PTPRM: variants seen among roughly 807,000 people sequenced by gnomAD.
PTPRM encodes the protein protein tyrosine phosphatase receptor type M, also known as receptor-type tyrosine-protein phosphatase mu.
In PTPRM, 47 loss-of-function variants were observed where a neutral mutation model predicts 186.7. The observed-to-expected ratio is 0.25, with a 90% CI of 0.20 to 0.32. PTPRM has a LOEUF of 0.32. Among genes scored for constraint, PTPRM ranks in the 10% least tolerant of loss-of-function variants. The pLI, the probability that PTPRM is intolerant of heterozygous loss-of-function variation, is 1.00. For synonymous variants in PTPRM, 668 were observed against 674.9 expected (o/e 0.99, Z 0.16); for missense variants, 1,494 against 1,865.0 (o/e 0.80, Z 3.66).
rs774947124 is a variant in PTPRM, at chr18:7,567,768, C to A, written c.-51C>A. On this transcript the variant is annotated 5_prime_UTR_variant, in exon 1 of 33. Transcript: ENST00000580170. The surrounding 1 kb of genome is among the most constrained non-coding windows in gnomAD (Gnocchi z 4.3). ...CAAAGCTCCCGGCCCCCTCCGCCCT[C>A]GCGCGCCCACCCACCGCCGCCGGGG... The A allele has an allele frequency of 1.3e-6, 2 of 1,483,358 alleles. No individual in the cohort carries two copies. Among genetic ancestry groups the A allele is most frequent in the Non-Finnish European group, 1.8e-6 (2 of 1,117,126 alleles). 91.9% of individuals were successfully genotyped at this position (1,483,358 alleles called of 1,614,324 possible).
At chr18:8,367,583 C>A (rs1452944823) in intron 23 of PTPRM, among the ~76,000 whole-genome samples, 1 of 152,264 alleles carries the variant, frequency 6.6e-6, no homozygotes, top group African/African-American at 2.4e-5. Flanking sequence ...GCGGGGGCGC[C>A]CGGCTTCATC....
intron 2 of PTPRM, among the ~76,000 whole-genome samples, chr18:7,868,686 C>G (rs2047835926): frequency 6.6e-6 from 1 of 152,224 alleles, no homozygotes; most frequent in Non-Finnish European, 1.5e-5. Flanking sequence ...CAGGGACCCA[C>G]TTGAAGAGGT....
At chr18:8,172,708 A>G (rs1230875684) in intron 14 of PTPRM, among the ~76,000 whole-genome samples, 17 of 151,570 alleles carry the variant, frequency 1.1e-4, no homozygotes, top group African/African-American at 3.9e-4. Flanking sequence ...AAAAAAAAAA[A>G]AGAAAAAAAA....
At chr18:7,941,331 C>T (rs1370741181) in intron 5 of PTPRM, among the ~76,000 whole-genome samples, 1 of 152,154 alleles carries the variant, frequency 6.6e-6, no homozygotes, top group East Asian at 1.9e-4. Flanking sequence ...GACCATCTCT[C>T]CAGATACTTC....
chr18:8,179,318 T>C, intron 14 of PTPRM, among the ~76,000 whole-genome samples: 1 of 152,244 alleles, frequency 6.6e-6, no homozygotes, highest in Admixed American at 6.5e-5. Flanking sequence ...TGTAGGAATA[T>C]ACTTTACTCA....
intron 1 of PTPRM, among the ~76,000 whole-genome samples, chr18:7,685,346 C>G (rs1458998162): frequency 1.3e-5 from 2 of 152,132 alleles, no homozygotes; most frequent in African/African-American, 2.4e-5. Flanking sequence ...GAAATTTTAA[C>G]TAAAGTATGA....
chr18:7,958,384 A>C (rs1056092177), intron 7 of PTPRM, among the ~76,000 whole-genome samples: 1 of 152,078 alleles, frequency 6.6e-6, no homozygotes, highest in African/African-American at 2.4e-5. Flanking sequence ...GATTTTGCCC[A>C]TGGGGAGAGC....
intron 1 of PTPRM, among the ~76,000 whole-genome samples, chr18:7,649,896 T>A (rs2038655904): frequency 1.3e-5 from 2 of 150,214 alleles, no homozygotes; most frequent in Non-Finnish European, 1.5e-5. Context: ...ACGATTAGCA[T>A]TTTTTTTAGC....
intron 1 of PTPRM, among the ~76,000 whole-genome samples, chr18:7,578,374 C>T (rs374428769): frequency 2.8e-5 from 4 of 140,854 alleles, no homozygotes; most frequent in Admixed American, 2.3e-4. Context: ...CTTGCTCTGT[C>T]GCCCAGGCTG....
chr18:7,799,325 C>T (rs2043832220), intron 2 of PTPRM, among the ~76,000 whole-genome samples: 1 of 152,142 alleles, frequency 6.6e-6, no homozygotes, highest in Admixed American at 6.5e-5. Context: ...CAATCATCTC[C>T]CAAGTGCCCC....
chr18:8,216,227 A>AG (rs1400893327), intron 14 of PTPRM, among the ~76,000 whole-genome samples: 1 of 152,112 alleles, frequency 6.6e-6, no homozygotes, highest in African/African-American at 2.4e-5. Context: ...TTTTTCCAAC[A>AG]AGATTGTCTG....
intron 2 of PTPRM, among the ~76,000 whole-genome samples, chr18:7,847,648 C>T (rs750407596): frequency 5.3e-5 from 8 of 152,220 alleles, no homozygotes; most frequent in Non-Finnish European, 1.2e-4. Flanking sequence ...CAGAGTTTCT[C>T]CTATAACATA....
intron 2 of PTPRM, among the ~76,000 whole-genome samples, chr18:7,847,357 G>A (rs189291637): frequency 5.1e-4 from 77 of 151,994 alleles, no homozygotes; most frequent in Middle Eastern, 6.8e-3. Context: ...GGTAGAGACA[G>A]GTTTTAACCA....
intron 26 of PTPRM, chr18:8,377,618 C>T (rs2095705072): frequency 2.0e-5 from 3 of 151,958 alleles, no homozygotes; most frequent in African/African-American, 7.3e-5. Context: ...ACCGAATTAA[C>T]TGTAATAAGA....
At chr18:7,807,578 G>A (rs956683954) in intron 2 of PTPRM, among the ~76,000 whole-genome samples, 2 of 152,192 alleles carry the variant, frequency 1.3e-5, no homozygotes, top group Non-Finnish European at 2.9e-5. Context: ...AGCTAGAAAA[G>A]AAGGTGTGTC....
At chr18:7,621,085 T>G (rs1246290327) in intron 1 of PTPRM, among the ~76,000 whole-genome samples, 5 of 152,210 alleles carry the variant, frequency 3.3e-5, no homozygotes, top group Non-Finnish European at 7.3e-5. Context: ...TACGCAGTGC[T>G]TATTGTATGC....
intron 2 of PTPRM, among the ~76,000 whole-genome samples, chr18:7,779,657 A>G (rs2042762206): frequency 6.6e-6 from 1 of 152,204 alleles, no homozygotes; most frequent in African/African-American, 2.4e-5. Flanking sequence ...GGTCTTAGAG[A>G]GTAACAAAGA....
intron 23 of PTPRM, among the ~76,000 whole-genome samples, chr18:8,358,531 T>C (rs895680981): frequency 9.9e-5 from 15 of 152,200 alleles, no homozygotes; most frequent in African/African-American, 3.6e-4. Context: ...TGGAGTCTGT[T>C]CATCTCTCTT....
intron 22 of PTPRM, among the ~76,000 whole-genome samples, chr18:8,327,218 T>G (rs1270268567): frequency 6.6e-6 from 1 of 152,198 alleles, no homozygotes; most frequent in African/African-American, 2.4e-5. Flanking sequence ...CTGTCTTCCT[T>G]TTATGCTCAG....
Sources: gnomAD v4.1 joint callset for allele counts (sites outside exome capture counted in the v4.1 genomes callset) on GRCh38, gnomAD v4.1.1 for gene constraint, Gnocchi (gnomAD v3.1) non-coding constraint, MANE v1.5 for transcripts, NCBI Gene and HGNC (gene_info 2026-07-23, HGNC 2026-07-21) for gene names.